ITGA2: variants seen among roughly 807,000 people sequenced by gnomAD.
ITGA2 encodes the protein integrin alpha-2.
A neutral mutation model predicts 146.3 loss-of-function variants in ITGA2; 101 were observed. The ratio of observed to expected loss-of-function variants is 0.69; its 90% CI spans 0.59 to 0.81. The LOEUF is 0.81. Among genes scored for constraint, ITGA2 ranks in the 40% least tolerant of loss-of-function variants. The probability of loss-of-function intolerance (pLI) is 0.00; values close to 1 mark genes in which losing one functional copy is unlikely to be tolerated. For missense variants in ITGA2, 1,281 were observed against 1,402.7 expected (o/e 0.91, Z 1.39); for synonymous variants, 477 against 487.1 (o/e 0.98, Z 0.27).
chr5:53,004,894 G>GTTTTTTT (rs548541753), intron 1 of ITGA2, among the ~76,000 whole-genome samples: 25 of 55,948 alleles, frequency 4.5e-4, no homozygotes, highest in African/African-American at 1.0e-3. Flanking sequence ...TAGTTGCTTT[G>GTTTTTTT]TTTTTTTTTT....
At chr5:53,058,976 G>A (rs1333334110) in intron 10 of ITGA2, among the ~76,000 whole-genome samples, 1 of 151,922 alleles carries the variant, frequency 6.6e-6, no homozygotes, top group Non-Finnish European at 1.5e-5. Context: ...ATTTACTACA[G>A]TCATTCACAT....
intron 1 of ITGA2, among the ~76,000 whole-genome samples, chr5:53,025,260 G>A (rs1023095209): frequency 2.0e-5 from 3 of 152,092 alleles, no homozygotes; most frequent in Non-Finnish European, 4.4e-5. Context: ...CTGGATCTCT[G>A]CTTAATTTGC....
rs1376772517 is a variant in ITGA2, at chr5:53,074,589, G to A, written c.2664+112G>A. 12 of 822,112 alleles carry A rather than the reference G, an allele frequency of 1.5e-5. No individual in the cohort carries two copies. The South Asian group carries it at 1.6e-4, about 11-fold the overall frequency. The allele number at this position is 822,112 out of a possible 1,614,324, so 50.9% of individuals were successfully genotyped here. On this transcript the variant is annotated intron_variant, in intron 21 of 29. Coordinates refer to ENST00000296585, the MANE Select transcript of ITGA2 (RefSeq NM_002203.4). ...TTTGATAGGCATCACAAAATAACTA[G>A]CTGCATACTTAGGGGAAGTTTTCAA...
intron 1 of ITGA2, among the ~76,000 whole-genome samples, chr5:53,000,891 C>CTTTTTTTT (rs1407616111): frequency 1.7e-4 from 18 of 105,108 alleles, no homozygotes; most frequent in South Asian, 2.9e-4. Flanking sequence ...TTTTCTTTTT[C>CTTTTTTTT]TTTTTGTTTT....
intron 4 of ITGA2, among the ~76,000 whole-genome samples, chr5:53,045,790 A>T (rs1257925913): frequency 6.6e-6 from 1 of 152,182 alleles, no homozygotes; most frequent in Non-Finnish European, 1.5e-5. Flanking sequence ...AAAAAAAGGG[A>T]AAAACATCAC....
intron 1 of ITGA2, among the ~76,000 whole-genome samples, chr5:53,002,057 T>C (rs1170793856): frequency 6.6e-6 from 1 of 152,116 alleles, no homozygotes; most frequent in Non-Finnish European, 1.5e-5. Context: ...AAAAAAATAT[T>C]GATTTTTAAT....
chr5:53,065,173 T>A, intron 14 of ITGA2, 58 bp downstream of exon 14: 1 of 1,499,682 alleles, frequency 6.7e-7, no homozygotes, highest in Non-Finnish European at 9.3e-7. Flanking sequence ...ATATTAGACA[T>A]AGAAAGCGTC....
chr5:53,082,589 C>T (rs899923560), intron 26 of ITGA2, among the ~76,000 whole-genome samples: 2 of 152,008 alleles, frequency 1.3e-5, no homozygotes, highest in Non-Finnish European at 1.5e-5. Context: ...CCATATACCC[C>T]CTGTCCCACA....
Position 52,989,419 on chromosome 5 carries a change from G to T in ITGA2, c.-50G>T. 1.3e-6 allele frequency: 2 copies of T among 1,597,482 alleles called. No homozygotes were observed. Among genetic ancestry groups the T allele is most frequent in the Non-Finnish European group, 1.7e-6 (2 of 1,164,818 alleles). Reference sequence around the variant, plus strand: ...TATCCCTCGGCCAAGGGTATCCTCTGCAAACCTCTGCAAACCCAGCGCAAC... The same window carrying T: ...TATCCCTCGGCCAAGGGTATCCTCTTCAAACCTCTGCAAACCCAGCGCAAC... On this transcript the variant is annotated 5_prime_UTR_variant, in exon 1 of 30. Coordinates refer to ENST00000296585, the MANE Select transcript of ITGA2 (RefSeq NM_002203.4).
intron 24 of ITGA2, among the ~76,000 whole-genome samples, chr5:53,079,476 A>G (rs1293382174): frequency 1.3e-5 from 2 of 152,186 alleles, no homozygotes; most frequent in African/African-American, 4.8e-5. Context: ...GATTACTACC[A>G]GTTAAAGATA....
chr5:53,017,463 G>A (rs1742445474), intron 1 of ITGA2, among the ~76,000 whole-genome samples: 1 of 152,202 alleles, frequency 6.6e-6, no homozygotes, highest in Non-Finnish European at 1.5e-5. Context: ...CACTGGAGGG[G>A]CCAAAGTGTT....
intron 15 of ITGA2, 107 bp downstream of exon 15, chr5:53,066,084 CTA>C: frequency 9.5e-7 from 1 of 1,051,484 alleles, no homozygotes; most frequent in East Asian, 2.4e-5. Flanking sequence ...TTCTATAAGA[CTA>C]TAGGGAATCG....
intron 17 of ITGA2, among the ~76,000 whole-genome samples, chr5:53,071,402 A>G (rs995042811): frequency 1.3e-5 from 2 of 151,836 alleles, no homozygotes; most frequent in African/African-American, 4.8e-5. Flanking sequence ...ACTATTTGAT[A>G]TCAATGCCAG....
intron 27 of ITGA2, among the ~76,000 whole-genome samples, chr5:53,086,440 A>G (rs1350125849): frequency 6.6e-6 from 1 of 152,188 alleles, no homozygotes; most frequent in Non-Finnish European, 1.5e-5. Flanking sequence ...TTTAAACACT[A>G]TCATTTTACA....
chr5:53,031,910 T>C (rs1222577048), intron 2 of ITGA2, among the ~76,000 whole-genome samples: 8 of 152,210 alleles, frequency 5.3e-5, no homozygotes, highest in Non-Finnish European at 1.0e-4. Flanking sequence ...GAGATATGTT[T>C]AAAATCATTT....
At chr5:53,069,515 C>A (rs2111988054) in intron 16 of ITGA2, among the ~76,000 whole-genome samples, 1 of 151,924 alleles carries the variant, frequency 6.6e-6, no homozygotes, top group South Asian at 2.1e-4. Context: ...TTAATCTTCA[C>A]AATAACAATT....
chr5:53,083,846 T>C (rs1328421376), intron 27 of ITGA2, among the ~76,000 whole-genome samples: 3 of 152,204 alleles, frequency 2.0e-5, no homozygotes, highest in Non-Finnish European at 4.4e-5. Context: ...TGTGTCTCTG[T>C]CTCACTCCTT....
At chr5:53,059,697 G>A (rs923289685) in intron 10 of ITGA2, among the ~76,000 whole-genome samples, 177 bp from the exon 11 acceptor site, 10 of 151,842 alleles carry the variant, frequency 6.6e-5, no homozygotes, top group African/African-American at 2.2e-4. Flanking sequence ...CCAATGGGAA[G>A]GCTTGTTCTC....
intron 28 of ITGA2, among the ~76,000 whole-genome samples, chr5:53,088,837 C>A (rs1382696581): frequency 6.6e-6 from 1 of 152,050 alleles, no homozygotes; most frequent in Admixed American, 6.6e-5. Flanking sequence ...AGGTATGTAA[C>A]CTAAATAATA....
Sources: allele counts gnomAD v4.1 joint callset (sites outside exome capture counted in the v4.1 genomes callset), GRCh38; gene constraint gnomAD v4.1.1; transcripts MANE v1.5; gene names NCBI Gene and HGNC (gene_info 2026-07-23, HGNC 2026-07-21).